The following RARB variants were observed in gnomAD, a reference collection of about 807,000 sequenced individuals.
The protein encoded by RARB is HBV-activated protein.
Under a neutral mutation model 51.9 loss-of-function variants are expected in RARB, and 17 were observed. That is an observed-to-expected ratio of 0.33 (90% CI 0.22 to 0.49). The LOEUF is 0.49. Among genes scored for constraint, RARB ranks in the 20% least tolerant of loss-of-function variants. RARB has a pLI of 0.99. For synonymous variants in RARB, 215 were observed against 195.4 expected (o/e 1.10, Z -0.84); for missense variants, 369 against 550.8 (o/e 0.67, Z 3.30).
At chr3:24,996,433 A>G (rs1405853437) in intron 2 of RARB, among the ~76,000 whole-genome samples, 1 of 151,236 alleles carries the variant, frequency 6.6e-6, no homozygotes, top group African/African-American at 2.4e-5. Context: ...GATCCTTTGG[A>G]TTGCTTTTCT....
chr3:25,215,124 C>G (rs1432882575), intron 5 of RARB, among the ~76,000 whole-genome samples: 1 of 152,196 alleles, frequency 6.6e-6, no homozygotes, highest in Non-Finnish European at 1.5e-5. Flanking sequence ...TGTACACGGA[C>G]TCACCTGGGG....
In RARB at chr3:25,050,482, G is replaced by T. The variant is rs148479222; in HGVS notation, c.-379-9643G>T. Among the ~76,000 whole-genome samples the T allele has an allele frequency of 4.0e-3, 607 of 152,092 alleles. 2 individuals are homozygous for T. Among genetic ancestry groups the T allele is most frequent in the African/African-American group, 0.014 (580 of 41,516 alleles). On this transcript the variant is annotated intron_variant, in intron 2 of 11. Transcript: ENST00000383772. ...CTTTTACACACGAGTGAAGTGATTT[G>T]ATTTTCGAGAAAAAGTATTATGTGT...
intron 2 of RARB, among the ~76,000 whole-genome samples, chr3:25,008,149 T>A (rs1308840218): frequency 6.6e-6 from 1 of 152,166 alleles, no homozygotes; most frequent in African/African-American, 2.4e-5. Context: ...TACAAGCTGA[T>A]GTCTGACTCA....
At chr3:24,971,705 A>G (rs1327746472) in intron 2 of RARB, among the ~76,000 whole-genome samples, 1 of 152,054 alleles carries the variant, frequency 6.6e-6, no homozygotes, top group Non-Finnish European at 1.5e-5. Flanking sequence ...TTTCTGGAAC[A>G]GTAAGGATAA....
intron 3 of RARB, among the ~76,000 whole-genome samples, chr3:25,068,556 A>G (rs1458063649): frequency 6.6e-6 from 1 of 152,220 alleles, no homozygotes; most frequent in Non-Finnish European, 1.5e-5. Flanking sequence ...TAATGACATC[A>G]AGAAAAAATT....
chr3:24,969,814 C>G (rs889704278), intron 2 of RARB, among the ~76,000 whole-genome samples: 3 of 152,028 alleles, frequency 2.0e-5, no homozygotes, highest in Non-Finnish European at 2.9e-5. Flanking sequence ...GTGGTGTGTC[C>G]ATTTACACCA....
chr3:24,996,978 T>C (rs1353012968), intron 2 of RARB, among the ~76,000 whole-genome samples: 2 of 152,222 alleles, frequency 1.3e-5, no homozygotes, highest in African/African-American at 2.4e-5. Context: ...GTCCATTTGG[T>C]CTATAATATA....
intron 5 of RARB, among the ~76,000 whole-genome samples, chr3:25,178,848 G>C (rs1575199465): frequency 6.6e-6 from 1 of 152,174 alleles, no homozygotes; most frequent in Admixed American, 6.5e-5. Flanking sequence ...AGGGCTCTCT[G>C]TGAGAGTTGG....
chr3:24,865,030 T>G (rs1271507556), intron 2 of RARB, among the ~76,000 whole-genome samples: 1 of 152,178 alleles, frequency 6.6e-6, no homozygotes, highest in Non-Finnish European at 1.5e-5. Context: ...TCGAATGTAT[T>G]CTCTTCAGTG....
chr3:25,449,209 C>T (rs1709083720), intron 1 of RARB, among the ~76,000 whole-genome samples: 2 of 151,976 alleles, frequency 1.3e-5, no homozygotes, highest in South Asian at 2.1e-4. Context: ...GTTGGACTGC[C>T]GCCAGAGGCC....
intron 3 of RARB, among the ~76,000 whole-genome samples, chr3:25,504,171 G>T (rs1234189708): frequency 1.3e-5 from 2 of 152,198 alleles, no homozygotes; most frequent in Admixed American, 6.5e-5. Flanking sequence ...AGAGTAATAT[G>T]CTGGATCCAA....
intron 4 of RARB, among the ~76,000 whole-genome samples, chr3:25,157,372 G>GTATA (rs1270560885): frequency 9.9e-6 from 1 of 101,228 alleles, no homozygotes; most frequent in African/African-American, 3.3e-5. Flanking sequence ...GTGTGTGTGT[G>GTATA]TGTGTGTGTA....
intron 3 of RARB, among the ~76,000 whole-genome samples, chr3:25,114,954 A>G (rs73047766): frequency 0.14 from 22,021 of 152,262 alleles, 1,798 homozygotes; most frequent in Non-Finnish European, 0.2. Flanking sequence ...AGAAGTTTTA[A>G]GAGTACATTA....
chr3:25,316,291 G>A (rs1704422752), intron 5 of RARB, among the ~76,000 whole-genome samples: 1 of 152,038 alleles, frequency 6.6e-6, no homozygotes, highest in Non-Finnish European at 1.5e-5. Flanking sequence ...TGCCAAAGGT[G>A]ACATATAGTA....
At chr3:24,904,885 C>G (rs923541648) in intron 2 of RARB, among the ~76,000 whole-genome samples, 2 of 152,156 alleles carry the variant, frequency 1.3e-5, no homozygotes, top group Admixed American at 1.3e-4. Context: ...AGCTGGAAAC[C>G]ATCATTCTCA....
At chr3:25,351,084 G>C in intron 5 of RARB, among the ~76,000 whole-genome samples, 1 of 152,134 alleles carries the variant, frequency 6.6e-6, no homozygotes, top group East Asian at 1.9e-4. Flanking sequence ...ATCTGGTGCA[G>C]CGCTATATTA....
chr3:25,383,884 C>G (rs529798638), intron 5 of RARB, among the ~76,000 whole-genome samples: 3 of 149,862 alleles, frequency 2.0e-5, no homozygotes, highest in Non-Finnish European at 4.4e-5. Context: ...GAGCTGAGTT[C>G]ACGCCATTGC....
At chr3:24,853,074 G>C (rs998281647) in intron 1 of RARB, among the ~76,000 whole-genome samples, 6 of 152,024 alleles carry the variant, frequency 3.9e-5, no homozygotes, top group African/African-American at 1.4e-4. Context: ...CAGCACTTTG[G>C]GAGGCCGAGA....
At chr3:25,141,878 T>G (rs71311525) in intron 4 of RARB, among the ~76,000 whole-genome samples, 1 of 152,218 alleles carries the variant, frequency 6.6e-6, no homozygotes, top group East Asian at 1.9e-4. Flanking sequence ...ATCAGGTCAG[T>G]AGGATACATG....
Sources: gnomAD v4.1 joint callset for allele counts (sites outside exome capture counted in the v4.1 genomes callset) on GRCh38, gnomAD v4.1.1 for gene constraint, MANE v1.5 for transcripts, NCBI Gene and HGNC (gene_info 2026-07-23, HGNC 2026-07-21) for gene names.